The following MAPT variants were observed in gnomAD, a reference collection of about 807,000 sequenced individuals.
MAPT encodes microtubule associated protein tau.
Under a neutral mutation model 67.9 loss-of-function variants are expected in MAPT, and 34 were observed. The observed-to-expected ratio is 0.50, with a 90% CI of 0.38 to 0.67. MAPT has a LOEUF of 0.67. MAPT is among the 30% of genes least tolerant of loss of function. The pLI is 0.00. For synonymous variants in MAPT, 456 were observed against 464.5 expected (o/e 0.98, Z 0.23); for missense variants, 881 against 1,115.2 (o/e 0.79, Z 2.99).
intron 3 of MAPT, chr17:45,976,167 C>T (rs1408964394): frequency 6.6e-6 from 1 of 152,306 alleles, no homozygotes; most frequent in Non-Finnish European, 1.5e-5. Flanking sequence ...CGCTGGCAAG[C>T]AAACTGTGGG....
At chr17:45,989,240 T>A (rs898071092) in intron 6 of MAPT, among the ~76,000 whole-genome samples, 2 of 152,198 alleles carry the variant, frequency 1.3e-5, no homozygotes, top group Non-Finnish European at 2.9e-5. Flanking sequence ...TCCATCAACT[T>A]ACTCATGTGA....
chr17:45,913,090 C>T (rs1222856385), intron 1 of MAPT, among the ~76,000 whole-genome samples: 4 of 152,180 alleles, frequency 2.6e-5, no homozygotes, highest in East Asian at 3.9e-4. Flanking sequence ...TCCGTTTTCA[C>T]GCTGCTGATA....
At chr17:45,923,484 C>T (rs2065957710) in intron 1 of MAPT, among the ~76,000 whole-genome samples, 1 of 152,226 alleles carries the variant, frequency 6.6e-6, no homozygotes, top group South Asian at 2.1e-4. Context: ...GGGGGAATGC[C>T]CGGAGCCATC....
chr17:45,998,175 C>A (rs1311144109), intron 9 of MAPT, among the ~76,000 whole-genome samples: 1 of 152,124 alleles, frequency 6.6e-6, no homozygotes, highest in African/African-American at 2.4e-5. Context: ...TGGGTCTGAG[C>A]CTGGGGCATT....
At chr17:45,939,082 G>A (rs2067628831) in intron 1 of MAPT, among the ~76,000 whole-genome samples, 2 of 152,054 alleles carry the variant, frequency 1.3e-5, no homozygotes, top group South Asian at 2.1e-4. Flanking sequence ...TCAAAGTGCT[G>A]GGATTACAGG....
intron 1 of MAPT, among the ~76,000 whole-genome samples, chr17:45,956,569 TATATATATATATATATATATATATA>T (rs1410656628): frequency 0.018 from 1,075 of 59,366 alleles, 20 homozygotes; most frequent in African/African-American, 0.042. Context: ...TATATATATA[TATATATATATATATATATATATATA>T]TATATATTTT....
chr17:45,996,418 G>T lies in MAPT; in HGVS notation c.1752G>T (p.Gly584=). The change falls in exon 9 of 13, where the codon GGG becomes GGT. Residue 584 remains glycine (G), a synonymous_variant. Transcript: ENST00000262410. This position sits in a 1 kb window ranked among gnomAD's most constrained non-coding sequence, Gnocchi z 4.5. The stretch of plus-strand genomic sequence containing the variant: ...TCCCAGGTGAACCTCCAAAATCAGG[G>T]GATCGCAGCGGCTACAGCAGCCCCG... ...PPSSGEPPKS[G]DRSGYSSPGS... is the part of the protein sequence containing the mutation. 10 of 1,612,648 alleles carry T rather than the reference G, an allele frequency of 6.2e-6. No homozygotes were observed. The highest frequency in any genetic ancestry group is 6.8e-6 in the Non-Finnish European group (8 of 1,179,984).
At position 46,014,305 on chromosome 17, in the gene MAPT, C is replaced by G. The variant is rs147220818; in HGVS notation, c.2154C>G (p.Gly718=). ...TGACCTCCAAGTGTGGCTCATTAGG[C>G]AACATCCATCATAAACCAGGTAGCC... is the stretch of plus-strand genomic sequence containing the variant. ...SKVTSKCGSL[G]NIHHKPGGGQ... The change falls in exon 11 of 13, where the codon GGC becomes GGG. Residue 718 remains glycine (G), a synonymous_variant. Transcript: ENST00000262410. 9.9e-6 allele frequency: 16 copies of G among 1,609,920 alleles called. 1 individual carries two copies. In the African/African-American group the frequency reaches 2.1e-4, roughly 21 times the overall value.
At chr17:45,934,918 C>T (rs1034480053) in intron 1 of MAPT, among the ~76,000 whole-genome samples, 3 of 151,968 alleles carry the variant, frequency 2.0e-5, no homozygotes, top group African/African-American at 7.2e-5. Flanking sequence ...TCTGATCCTA[C>T]TGAGTTTAAT....
chr17:45,901,391 G>A (rs1178052073), intron 1 of MAPT, among the ~76,000 whole-genome samples: 7 of 152,194 alleles, frequency 4.6e-5, no homozygotes, highest in African/African-American at 9.7e-5. Flanking sequence ...CAGGGAAGGC[G>A]AAGGAGGTAA....
In MAPT at chr17:45,983,912, C is replaced by T. The variant is rs17651549; in HGVS notation, c.1333C>T (p.Arg445Trp). ...AAAPRGKPVS[R>W]VPQLKARMVS... Reference sequence around the variant, plus strand: ...TGCTCCGCGGGGGAAGCCCGTCAGCCGGGTCCCTCAACTCAAAGGTCTGTG... The same window carrying T: ...TGCTCCGCGGGGGAAGCCCGTCAGCTGGGTCCCTCAACTCAAAGGTCTGTG... Residue 445 changes from arginine (R) to tryptophan (W), a missense_variant, in exon 5 of 13, where the codon CGG becomes TGG. This residue lies in a region of MAPT where 687 missense variants were observed against 766.1 expected (regional missense o/e 0.90). Coordinates refer to ENST00000262410, the MANE Select transcript of MAPT (RefSeq NM_001377265.1). The T allele has an allele frequency of 0.19, 297,949 of 1,573,970 alleles. 32,110 individuals carry two copies. Among genetic ancestry groups the T allele is most frequent in the Non-Finnish European group, 0.22 (257,858 of 1,163,890 alleles).
chr17:45,959,807 T>C (rs2070185904), intron 1 of MAPT, among the ~76,000 whole-genome samples: 1 of 152,096 alleles, frequency 6.6e-6, no homozygotes, highest in Non-Finnish European at 1.5e-5. Flanking sequence ...GGACAAAGTT[T>C]TTCAAAAAGA....
At chr17:46,023,933 T>G (rs1423707299) in intron 12 of MAPT, 23 bp from the exon 13 acceptor site, 2 of 1,605,520 alleles carry the variant, frequency 1.2e-6, no homozygotes, top group Admixed American at 3.3e-5. Flanking sequence ...CATCTCACCC[T>G]CCCTCCCTTC....
At chr17:45,939,531 A>G (rs1053889359) in intron 1 of MAPT, among the ~76,000 whole-genome samples, 4 of 152,180 alleles carry the variant, frequency 2.6e-5, no homozygotes, top group Admixed American at 6.5e-5. Flanking sequence ...TGCTTCTTAT[A>G]AATCCATATT....
chr17:45,944,964 T>G (rs1368060863), intron 1 of MAPT, among the ~76,000 whole-genome samples: 1 of 152,222 alleles, frequency 6.6e-6, no homozygotes, highest in African/African-American at 2.4e-5. Flanking sequence ...CCAGACTCTC[T>G]CCTCACTCTC....
intron 1 of MAPT, among the ~76,000 whole-genome samples, chr17:45,901,394 G>A (rs1231709204): frequency 6.6e-6 from 1 of 152,212 alleles, no homozygotes; most frequent in Non-Finnish European, 1.5e-5. Context: ...GGAAGGCGAA[G>A]GAGGTAAAGA....
intron 2 of MAPT, among the ~76,000 whole-genome samples, chr17:45,964,833 G>A (rs188180723): frequency 3.3e-5 from 5 of 149,328 alleles, no homozygotes; most frequent in Admixed American, 1.3e-4. Context: ...GCTGTTTCTC[G>A]TCCCTCCCTC....
At chr17:45,986,971 AC>A in intron 5 of MAPT, 68 bp from the exon 6 acceptor site, 5 of 1,388,662 alleles carry the variant, frequency 3.6e-6, no homozygotes, top group Non-Finnish European at 5.1e-6. Context: ...ATCCAGCTTC[AC>A]CACAGCTGGC....
Position 45,972,014 on chromosome 17 carries a change from C to A in MAPT, c.220+69C>A, listed in dbSNP as rs1019863709. On this transcript the variant is annotated intron_variant, in intron 3 of 12. Transcript: ENST00000262410. ...CTTAGCCGTGCTTTGAGCCTCCCTC[C>A]TGGCTGCATCTGCTGCTCCCCCTGG... The A allele has an allele frequency of 8.1e-5, 89 of 1,104,960 alleles. No individual in the cohort carries two copies. In the African/African-American group the frequency reaches 1.3e-3, roughly 17 times the overall value. The allele number at this position is 1,104,960 out of a possible 1,614,324, so 68.4% of individuals were successfully genotyped here.
Sources: allele counts gnomAD v4.1 joint callset (sites outside exome capture counted in the v4.1 genomes callset), GRCh38; gene constraint gnomAD v4.1.1; regional missense constraint gnomAD v4.1.1; non-coding constraint Gnocchi (gnomAD v3.1); transcripts MANE v1.5; gene names NCBI Gene and HGNC (gene_info 2026-07-23, HGNC 2026-07-21).